Variants in TRMT2B observed in about 807,000 individuals in gnomAD.
The protein encoded by TRMT2B is tRNA (uracil-5-)-methyltransferase homolog B.
In TRMT2B, 34 loss-of-function variants were observed where a neutral mutation model predicts 39.7. That is an observed-to-expected ratio of 0.86 (90% CI 0.65 to 1.14). TRMT2B has a LOEUF of 1.14. Among genes scored for constraint, TRMT2B ranks in the 50% most tolerant of loss-of-function variants. TRMT2B has a pLI of 0.00. For missense variants in TRMT2B, 318 were observed against 377.2 expected, an observed-to-expected ratio of 0.84 and a Z score of 1.30; for synonymous variants, 132 against 137.3, an observed-to-expected ratio of 0.96 and a Z score of 0.27.
intron 2 of TRMT2B, among the ~76,000 whole-genome samples, chrX:101,044,665 C>G (rs1239673965): frequency 9.1e-6 from 1 of 110,332 alleles, no homozygotes; most frequent in African/African-American, 3.3e-5. Flanking sequence ...AGACCAGAAA[C>G]CCCGTCTCTA....
rs138290810 is a variant in TRMT2B, at chrX:101,026,261, G to C, written c.610-2645C>G. ...GCCAAGGCAGGTAGGTGGATCACCTGAGGTCAGGAGTTTGAGACCAGCCCG... is the reference window on the plus strand; with the variant it reads ...GCCAAGGCAGGTAGGTGGATCACCTCAGGTCAGGAGTTTGAGACCAGCCCG... On this transcript the variant is annotated intron_variant, in intron 7 of 13. Transcript: ENST00000372936. Among the ~76,000 whole-genome samples, 120 of 110,461 alleles carry C rather than the reference G, an allele frequency of 1.1e-3. No individual in the cohort carries two copies. In the East Asian group the frequency reaches 0.025, roughly 23 times the overall value.
chrX:101,005,776 G>A (rs188953866), downstream of TRMT2B, among the ~76,000 whole-genome samples: 5 of 106,127 alleles, frequency 4.7e-5, no homozygotes, highest in African/African-American at 1.7e-4. Flanking sequence ...AGCTAAGCGG[G>A]AGGCCGAGGC....
chrX:101,034,773 T>G (rs1275379867), intron 7 of TRMT2B, among the ~76,000 whole-genome samples: 1 of 111,559 alleles, frequency 9.0e-6, no homozygotes, highest in Non-Finnish European at 1.9e-5. Context: ...GGCTCACACC[T>G]GTAATCCCAG....
In TRMT2B at chrX:101,041,303, G is replaced by A; in HGVS notation, c.303+14C>T. 6 of 1,207,760 alleles carry A rather than the reference G, an allele frequency of 5.0e-6. No individual in the cohort carries two copies. Among genetic ancestry groups the A allele is most frequent in the Non-Finnish European group, 6.7e-6 (6 of 892,337 alleles). On this transcript the variant is annotated intron_variant, in intron 4 of 13. Transcript: ENST00000372936. ...CCTGGAAAGGAGGGGTAAAGACTTA[G>A]GCTGGGCACCTACCTTGAGCTGTTC...
At chrX:101,017,660 G>GA (rs1355282817) in intron 13 of TRMT2B, among the ~76,000 whole-genome samples, 1 of 112,184 alleles carries the variant, frequency 8.9e-6, no homozygotes, top group Non-Finnish European at 1.9e-5. Flanking sequence ...AGAGTGAAGT[G>GA]AAAGGCACTT....
intron 4 of TRMT2B, 34 bp from the exon 5 acceptor site, chrX:101,038,085 T>C (rs778344019): frequency 5.0e-6 from 6 of 1,198,526 alleles, no homozygotes; most frequent in Non-Finnish European, 6.8e-6. Flanking sequence ...AACGAAATAC[T>C]GGCTGGGCAC....
chrX:101,035,809 A>C (rs2087801600), intron 6 of TRMT2B, 126 bp from the exon 7 acceptor site: 929 of 503,428 alleles, frequency 1.8e-3, no homozygotes, highest in East Asian at 3.0e-3. Flanking sequence ...ATACAATCTC[A>C]TGGCCACTTT....
At chrX:100,991,070 A>G in the TRMT2B span, among the ~76,000 whole-genome samples, 1 of 111,976 alleles carries the variant, frequency 8.9e-6, no homozygotes, top group African/African-American at 3.2e-5. Flanking sequence ...TACTACTACT[A>G]TAGGTTGAGT....
At chrX:100,981,121 C>T in the TRMT2B span, among the ~76,000 whole-genome samples, 1 of 111,609 alleles carries the variant, frequency 9.0e-6, no homozygotes, top group Admixed American at 9.5e-5. Context: ...GGCTCCAAGC[C>T]CATCACAGCA....
chrX:101,036,719 T>A (rs188168622), intron 6 of TRMT2B, among the ~76,000 whole-genome samples: 93 of 111,532 alleles, frequency 8.3e-4, no homozygotes, highest in Admixed American at 3.6e-3. Flanking sequence ...AACGCCAGCA[T>A]TTACTAAGTG....
chrX:101,013,125 C>A (rs1039582618), intron 13 of TRMT2B, among the ~76,000 whole-genome samples: 2 of 111,617 alleles, frequency 1.8e-5, no homozygotes, highest in African/African-American at 6.5e-5. Context: ...CCGGTCAGCT[C>A]CATTATAATC....
Position 101,009,375 on chromosome X carries a change from T to G in TRMT2B, c.*1206A>C, listed in dbSNP as rs1324302498. The G allele has an allele frequency of 1.8e-5, 2 of 110,327 alleles. No individual in the cohort carries two copies. Among genetic ancestry groups the G allele is most frequent in the Non-Finnish European group, 3.8e-5 (2 of 52,897 alleles). The allele number at this position is 110,327 out of a possible 1,213,427, so 9.1% of individuals were successfully genotyped here. A position where few individuals can be genotyped will look rare whatever the true frequency, so the allele number is the denominator to read the frequency against. On this transcript the variant is annotated 3_prime_UTR_variant, in exon 14 of 14. Transcript: ENST00000372936. ...TCAGTTTTCAATATCCAGTTTATTA[T>G]GTTATACTAGATTTTGGAGCTTTTT...
chrX:100,977,762 A>C, the TRMT2B span, among the ~76,000 whole-genome samples: 1 of 112,485 alleles, frequency 8.9e-6, no homozygotes, highest in African/African-American at 3.2e-5. Flanking sequence ...TACGAAATTT[A>C]TCTTTCTGTG....
the TRMT2B span, among the ~76,000 whole-genome samples, chrX:100,978,525 T>C: frequency 2.7e-5 from 3 of 111,719 alleles, no homozygotes; most frequent in Non-Finnish European, 5.6e-5. Context: ...ACTCCCGCTC[T>C]TTTGGGTTTC....
At chrX:100,993,911 G>A in the TRMT2B span, among the ~76,000 whole-genome samples, 2 of 111,864 alleles carry the variant, frequency 1.8e-5, no homozygotes, top group East Asian at 2.8e-4. Context: ...AAGGCCTGCT[G>A]TAAAGTTTAA....
At chrX:100,983,900 T>G in the TRMT2B span, among the ~76,000 whole-genome samples, 2 of 111,464 alleles carry the variant, frequency 1.8e-5, no homozygotes, top group Middle Eastern at 4.7e-3. Flanking sequence ...ATGACTCATT[T>G]TAGCAATGCT....
chrX:101,008,576 T>C (rs186478906), downstream of TRMT2B, among the ~76,000 whole-genome samples: 156 of 111,539 alleles, frequency 1.4e-3, no homozygotes, highest in Middle Eastern at 4.6e-3. Context: ...TGAGCTGAGA[T>C]CACGCCACTG....
At chrX:101,005,983 G>A (rs901234117), downstream of TRMT2B, among the ~76,000 whole-genome samples, 32 of 108,613 alleles carry the variant, frequency 2.9e-4, no homozygotes, top group Non-Finnish European at 5.9e-4. Context: ...CACTCTGGGA[G>A]GCCGAGGTGG....
At chrX:101,039,683 C>T (rs936535235) in intron 4 of TRMT2B, among the ~76,000 whole-genome samples, 3 of 111,251 alleles carry the variant, frequency 2.7e-5, no homozygotes, top group Non-Finnish European at 5.6e-5. Context: ...GGATCGCTTG[C>T]GTCCAGGAGT....
Sources: allele counts gnomAD v4.1 joint callset (sites outside exome capture counted in the v4.1 genomes callset), GRCh38; gene constraint gnomAD v4.1.1; transcripts MANE v1.5; gene names NCBI Gene and HGNC (gene_info 2026-07-23, HGNC 2026-07-21).